LINGO2: variants seen among roughly 807,000 people sequenced by gnomAD.
LINGO2 encodes leucine rich repeat and Ig domain containing 2, also known as leucine-rich repeat and immunoglobulin-like domain-containing nogo receptor-interacting protein 2.
LINGO2 carries 14 observed loss-of-function variants against 30.6 expected under a neutral mutation model. The observed-to-expected ratio is 0.46, with a 90% CI of 0.30 to 0.72. The LOEUF (loss-of-function observed/expected upper bound fraction) is 0.72. LINGO2 is among the 30% of genes least tolerant of loss of function. The pLI is 0.07. For missense variants in LINGO2, 729 were observed against 751.7 expected, an observed-to-expected ratio of 0.97 and a Z score of 0.35; for synonymous variants, 317 against 288.5, an observed-to-expected ratio of 1.10 and a Z score of -1.00.
chr9:29,091,814 A>G, the LINGO2 span, among the ~76,000 whole-genome samples: 1 of 152,070 alleles, frequency 6.6e-6, no homozygotes, highest in East Asian at 1.9e-4. Flanking sequence ...CATAAGGTCT[A>G]CAAAGTTGTA....
chr9:28,803,160 T>C, the LINGO2 span, among the ~76,000 whole-genome samples: 4 of 152,068 alleles, frequency 2.6e-5, no homozygotes, highest in South Asian at 2.1e-4. Flanking sequence ...AATTTATTTT[T>C]CCTTGACAGC....
In LINGO2 at chr9:28,176,755, T is replaced by C. The variant is rs544332864; in HGVS notation, c.-87+118453A>G. Among the ~76,000 whole-genome samples the C allele has an allele frequency of 5.3e-5, 8 of 152,346 alleles. No individual in the cohort carries two copies. The South Asian group carries it at 1.2e-3, about 24-fold the overall frequency. On this transcript the variant is annotated intron_variant, in intron 4 of 5. Coordinates refer to ENST00000379992, the Ensembl canonical transcript of LINGO2. ...AAGACTCATCATAAATACTTCTTGA[T>C]TGATGGTTTGATATAGACAATTGCC...
chr9:28,990,865 T>C, the LINGO2 span, among the ~76,000 whole-genome samples: 1 of 151,960 alleles, frequency 6.6e-6, no homozygotes, highest in Non-Finnish European at 1.5e-5. Flanking sequence ...TACATCACCA[T>C]CATCACCATC....
chr9:28,624,460 T>G (rs781685570), intron 1 of LINGO2, among the ~76,000 whole-genome samples: 6 of 152,124 alleles, frequency 3.9e-5, no homozygotes, highest in Non-Finnish European at 8.8e-5. Flanking sequence ...GTTTATATGA[T>G]AGTCCATATT....
chr9:28,089,742 C>T (rs1162944129), intron 4 of LINGO2, among the ~76,000 whole-genome samples: 2 of 151,896 alleles, frequency 1.3e-5, no homozygotes, highest in East Asian at 1.9e-4. Flanking sequence ...AATAGAGACA[C>T]AAAAAGCCCT....
At chr9:28,277,608 A>G (rs1823162335) in intron 4 of LINGO2, among the ~76,000 whole-genome samples, 2 of 152,126 alleles carry the variant, frequency 1.3e-5, no homozygotes, top group Admixed American at 6.5e-5. Flanking sequence ...GTTTGAGACC[A>G]GCCTGGCCAA....
the LINGO2 span, among the ~76,000 whole-genome samples, chr9:28,799,878 A>T: frequency 3.3e-5 from 5 of 152,136 alleles, no homozygotes; most frequent in Admixed American, 6.6e-5. Flanking sequence ...CAGGAATCAA[A>T]AATTTCCTCC....
the LINGO2 span, among the ~76,000 whole-genome samples, chr9:29,023,046 A>G: frequency 1.3e-5 from 2 of 151,976 alleles, no homozygotes; most frequent in Admixed American, 1.3e-4. Context: ...CATGCTGCCT[A>G]CATAGTCAGC....
chr9:28,705,925 G>T, the LINGO2 span, among the ~76,000 whole-genome samples: 1 of 149,390 alleles, frequency 6.7e-6, no homozygotes, highest in African/African-American at 2.5e-5. Context: ...TAAAAAGAGT[G>T]GTTGATTTTT....
At chr9:28,965,170 A>G in the LINGO2 span, among the ~76,000 whole-genome samples, 8 of 151,980 alleles carry the variant, frequency 5.3e-5, no homozygotes, top group African/African-American at 1.9e-4. Context: ...TTTAATTACA[A>G]CAATTCTTAG....
chr9:28,932,038 C>T, the LINGO2 span, among the ~76,000 whole-genome samples: 1 of 150,950 alleles, frequency 6.6e-6, no homozygotes, highest in East Asian at 2.0e-4. Flanking sequence ...AACCGGGAGG[C>T]GAAGGTTGCA....
At chr9:28,353,895 T>C (rs1015798064) in intron 3 of LINGO2, among the ~76,000 whole-genome samples, 2 of 151,966 alleles carry the variant, frequency 1.3e-5, no homozygotes, top group Non-Finnish European at 2.9e-5. Context: ...CAGTAAACTA[T>C]CGCAAGAACA....
the LINGO2 span, among the ~76,000 whole-genome samples, chr9:28,715,742 T>G: frequency 6.6e-6 from 1 of 152,118 alleles, no homozygotes; most frequent in African/African-American, 2.4e-5. Flanking sequence ...ACAAGCCACT[T>G]TTCTGAAAAG....
chr9:29,012,304 G>A, the LINGO2 span, among the ~76,000 whole-genome samples: 2 of 151,916 alleles, frequency 1.3e-5, no homozygotes, highest in African/African-American at 4.8e-5. Context: ...GCTGCAGTGA[G>A]CTGAGATCAC....
At chr9:28,198,629 C>T (rs1162009218) in intron 4 of LINGO2, among the ~76,000 whole-genome samples, 1 of 152,076 alleles carries the variant, frequency 6.6e-6, no homozygotes. Context: ...GAGGTCACAA[C>T]CATCACTTAA....
At chr9:28,440,103 C>T (rs7020701) in intron 2 of LINGO2, among the ~76,000 whole-genome samples, 45,076 of 149,922 alleles carry the variant, frequency 0.3, 7,919 homozygotes, top group Non-Finnish European at 0.39. Context: ...TGTTTTTACA[C>T]AGTGTCTTGT....
chr9:28,094,978 A>T (rs1188567325), intron 4 of LINGO2, among the ~76,000 whole-genome samples: 1 of 152,180 alleles, frequency 6.6e-6, no homozygotes, highest in Non-Finnish European at 1.5e-5. Context: ...AAGTAATTAG[A>T]TGCCTCAAAA....
chr9:28,961,397 T>C, the LINGO2 span, among the ~76,000 whole-genome samples: 1 of 152,190 alleles, frequency 6.6e-6, no homozygotes, highest in South Asian at 2.1e-4. Flanking sequence ...GAATAACTTG[T>C]AACGTAATCC....
At chr9:28,215,285 G>A (rs1289593058) in intron 4 of LINGO2, among the ~76,000 whole-genome samples, 2 of 151,758 alleles carry the variant, frequency 1.3e-5, no homozygotes, top group Non-Finnish European at 2.9e-5. Flanking sequence ...GTTTACACTT[G>A]AAAGAACAGG....
Sources: allele counts gnomAD v4.1 joint callset (sites outside exome capture counted in the v4.1 genomes callset), GRCh38; gene constraint gnomAD v4.1.1; transcripts MANE v1.5; gene names NCBI Gene and HGNC (gene_info 2026-07-23, HGNC 2026-07-21).